Variants in CNOT4 observed in about 807,000 individuals in gnomAD.
CNOT4 encodes CCR4-associated factor 4.
CNOT4 carries 8 observed loss-of-function variants against 73.8 expected under a neutral mutation model. The ratio of observed to expected loss-of-function variants is 0.11; its 90% CI spans 0.06 to 0.20. CNOT4 has a LOEUF of 0.20. Among genes scored for constraint, CNOT4 ranks in the 10% least tolerant of loss-of-function variants. The pLI is 1.00. For synonymous variants in CNOT4, 293 were observed against 321.1 expected, an observed-to-expected ratio of 0.91 and a Z score of 0.94; for missense variants, 564 against 883.4, an observed-to-expected ratio of 0.64 and a Z score of 4.58.
intron 1 of CNOT4, among the ~76,000 whole-genome samples, chr7:135,448,976 T>C (rs1486838933): frequency 6.6e-6 from 1 of 151,206 alleles, no homozygotes; most frequent in African/African-American, 2.4e-5. Flanking sequence ...AATAAGCACA[T>C]GAACATACAC....
intron 2 of CNOT4, among the ~76,000 whole-genome samples, chr7:135,428,446 T>C (rs114077001): frequency 0.015 from 2,242 of 152,320 alleles, 58 homozygotes; most frequent in African/African-American, 0.051. Flanking sequence ...ATAATGCTTA[T>C]CTGTTTAAAA....
Position 135,395,674 on chromosome 7 carries a change from G to A in CNOT4, c.1089C>T (p.Asp363=), listed in dbSNP as rs557399847. 1.0e-4 allele frequency: 161 copies of A among 1,614,128 alleles called. No homozygotes were observed. The South Asian group carries it at 1.7e-3, about 17-fold the overall frequency. The part of the protein sequence containing the change: ...PFPSSPQTSS[D]WPTAPEPQSL... ...TCTGTGGTTCTGGTGCTGTAGGCCA[G>A]TCACTGGATGTCTGTGGGGAGCTGG... The change falls in exon 9 of 12, where the codon GAC becomes GAT. Residue 363 remains aspartate (D), a synonymous_variant. Transcript: ENST00000541284.
chr7:135,411,179 C>T (rs2129484071), intron 6 of CNOT4, among the ~76,000 whole-genome samples: 1 of 152,022 alleles, frequency 6.6e-6, no homozygotes, highest in South Asian at 2.1e-4. Flanking sequence ...TTAGTTTTTG[C>T]TTTCTCTTTT....
chr7:135,465,927 T>C (rs958693029), intron 1 of CNOT4, among the ~76,000 whole-genome samples: 69 of 151,776 alleles, frequency 4.5e-4, no homozygotes, highest in African/African-American at 1.6e-3. Context: ...CAAGTGCCTG[T>C]AATCCCAGCT....
intron 2 of CNOT4, among the ~76,000 whole-genome samples, chr7:135,426,629 A>G (rs187834403): frequency 0.019 from 2,828 of 150,344 alleles, 106 homozygotes; most frequent in African/African-American, 0.066. Flanking sequence ...GAAAGAAAGA[A>G]AGAAAAATAC....
At position 135,368,517 on chromosome 7, in the gene CNOT4, A is replaced by T. The variant is rs766798621; in HGVS notation, c.1628-4451T>A. ...GTTCAACAACTACATCTGAAAAAGC[A>T]ACAGAAGAAATGCCAAGGTGGTATA... On this transcript the variant is annotated intron_variant, in intron 10 of 11. Transcript: ENST00000541284. 5.0e-4 allele frequency among the ~76,000 whole-genome samples: 76 copies of T among 152,368 alleles called. 1 individual carries two copies. The highest frequency in any genetic ancestry group is 6.8e-3 in the Middle Eastern group (2 of 294).
chr7:135,444,404 A>G, intron 1 of CNOT4: 1 of 721,462 alleles, frequency 1.4e-6, no homozygotes, highest in South Asian at 1.4e-5. Context: ...AATGTGGTAT[A>G]TCCATACCAT....
At position 135,489,587 on chromosome 7, in the gene CNOT4, G is replaced by C. The variant is rs1429521099; in HGVS notation, c.-93+20302C>G. On this transcript the variant is annotated intron_variant, in intron 1 of 11. Coordinates refer to ENST00000541284, the MANE Select transcript of CNOT4 (RefSeq NM_001190850.2). ...ATTTTTGTATTTTCAGTAGAGATAGGGTTTCTCCATGTTGGCCAGGCTAGT... is the reference window on the plus strand; with the variant it reads ...ATTTTTGTATTTTCAGTAGAGATAGCGTTTCTCCATGTTGGCCAGGCTAGT... Among the ~76,000 whole-genome samples the C allele has an allele frequency of 4.0e-5, 6 of 151,534 alleles. No homozygotes were observed. In the South Asian group the frequency reaches 1.0e-3, roughly 26 times the overall value.
intron 6 of CNOT4, 102 bp from the exon 7 acceptor site, chr7:135,410,750 A>T (rs1797548147): frequency 1.5e-6 from 1 of 679,844 alleles, no homozygotes; most frequent in Non-Finnish European, 1.9e-6. Context: ...AAATAAAATA[A>T]ATAATATTTT....
At chr7:135,431,338 A>C (rs995851277) in intron 2 of CNOT4, among the ~76,000 whole-genome samples, 2 of 152,172 alleles carry the variant, frequency 1.3e-5, no homozygotes, top group Non-Finnish European at 2.9e-5. Context: ...ACACATAATC[A>C]CCTATGTAGA....
intron 10 of CNOT4, among the ~76,000 whole-genome samples, chr7:135,371,629 T>G (rs1795207066): frequency 6.6e-6 from 1 of 152,290 alleles, no homozygotes; most frequent in African/African-American, 2.4e-5. Flanking sequence ...TAAGGATCTA[T>G]AAATCTGTTT....
rs1045487899 is a variant in CNOT4, at chr7:135,460,706, T to A, written c.-92-22283A>T. Among the ~76,000 whole-genome samples, 9 of 152,118 alleles carry A rather than the reference T, an allele frequency of 5.9e-5. 1 individual carries two copies. Among genetic ancestry groups the A allele is most frequent in the African/African-American group, 2.2e-4 (9 of 41,420 alleles). On this transcript the variant is annotated intron_variant, in intron 1 of 11. Transcript: ENST00000541284. ...GTGACACCGAAACATGAAGCAAGTA[T>A]ATGCTGTTGAAAAATGCCACTGATA... is the stretch of plus-strand genomic sequence containing the variant.
At chr7:135,484,946 G>C (rs1297625692) in intron 1 of CNOT4, among the ~76,000 whole-genome samples, 1 of 152,032 alleles carries the variant, frequency 6.6e-6, no homozygotes, top group East Asian at 1.9e-4. Context: ...TAAAATCAAA[G>C]ATCTAAATAA....
intron 1 of CNOT4, among the ~76,000 whole-genome samples, chr7:135,478,523 G>A (rs1013068366): frequency 6.6e-6 from 1 of 152,068 alleles, no homozygotes; most frequent in Non-Finnish European, 1.5e-5. Flanking sequence ...GGCAACTGGG[G>A]AGACCCTGTC....
At chr7:135,422,062 A>C in intron 3 of CNOT4, 94 bp downstream of exon 3, 1 of 733,276 alleles carries the variant, frequency 1.4e-6, no homozygotes, top group East Asian at 2.5e-5. Flanking sequence ...ATGTGTTCAG[A>C]GGAATCACAC....
At chr7:135,453,826 T>TTATATATATATTTATATATA in intron 1 of CNOT4, among the ~76,000 whole-genome samples, 1 of 89,902 alleles carries the variant, frequency 1.1e-5, no homozygotes, top group Non-Finnish European at 2.3e-5. Context: ...TATATATATT[T>TTATATATATATTTATATATA]TATATATATA....
At chr7:135,389,961 G>C (rs1408114130) in intron 10 of CNOT4, among the ~76,000 whole-genome samples, 1 of 152,100 alleles carries the variant, frequency 6.6e-6, no homozygotes, top group Non-Finnish European at 1.5e-5. Flanking sequence ...ATAGCAATGA[G>C]GCTCTGTAAA....
intron 1 of CNOT4, among the ~76,000 whole-genome samples, chr7:135,493,994 T>C (rs887564872): frequency 1.3e-5 from 2 of 151,658 alleles, no homozygotes; most frequent in African/African-American, 2.4e-5. Flanking sequence ...AAAAAAGAGA[T>C]TCATTTATAG....
chr7:135,451,955 A>G (rs1489840883), intron 1 of CNOT4, among the ~76,000 whole-genome samples: 1 of 152,164 alleles, frequency 6.6e-6, no homozygotes, highest in Non-Finnish European at 1.5e-5. Flanking sequence ...GACAAATAAA[A>G]CAGTGATTCA....
Sources: allele counts gnomAD v4.1 joint callset (sites outside exome capture counted in the v4.1 genomes callset), GRCh38; gene constraint gnomAD v4.1.1; transcripts MANE v1.5; gene names NCBI Gene and HGNC (gene_info 2026-07-23, HGNC 2026-07-21).